Variants in SNTG1 observed in about 807,000 individuals in gnomAD.
SNTG1 encodes the protein syntrophin gamma 1.
Under a neutral mutation model 74.7 loss-of-function variants are expected in SNTG1, and 39 were observed. The ratio of observed to expected loss-of-function variants is 0.52; its 90% CI spans 0.40 to 0.68. SNTG1 has a LOEUF of 0.68. Among genes scored for constraint, SNTG1 ranks in the 30% least tolerant of loss-of-function variants. The pLI, the probability that SNTG1 is intolerant of heterozygous loss-of-function variation, is 0.00. For synonymous variants in SNTG1, 254 were observed against 217.1 expected, an observed-to-expected ratio of 1.17 and a Z score of -1.49; for missense variants, 685 against 609.5, an observed-to-expected ratio of 1.12 and a Z score of -1.30.
chr8:50,465,163 T>C (rs907528629), intron 8 of SNTG1, among the ~76,000 whole-genome samples: 1 of 152,168 alleles, frequency 6.6e-6, no homozygotes, highest in African/African-American at 2.4e-5. Flanking sequence ...CTTTATCACA[T>C]GAAACACCAC....
At chr8:50,451,960 TC>T (rs1365157579) in intron 8 of SNTG1, among the ~76,000 whole-genome samples, 2 of 152,210 alleles carry the variant, frequency 1.3e-5, no homozygotes, top group Non-Finnish European at 2.9e-5. Context: ...AATACTGTAG[TC>T]CTTTTGCTTG....
intron 2 of SNTG1, among the ~76,000 whole-genome samples, chr8:50,184,799 G>C (rs899781415): frequency 6.6e-6 from 1 of 151,972 alleles, no homozygotes; most frequent in African/African-American, 2.4e-5. Context: ...ATAAGGATTG[G>C]TATATTTTTG....
At chr8:50,660,406 AAAG>A (rs2095214806) in intron 15 of SNTG1, among the ~76,000 whole-genome samples, 17 of 12,438 alleles carry the variant, frequency 1.4e-3, no homozygotes, top group Non-Finnish European at 2.9e-3. Flanking sequence ...AAAGAGAAAG[AAAG>A]AAAAGAAAGA....
intron 18 of SNTG1, among the ~76,000 whole-genome samples, chr8:50,759,103 G>A (rs1022921780): frequency 6.6e-6 from 1 of 152,042 alleles, no homozygotes; most frequent in Non-Finnish European, 1.5e-5. Context: ...CTGCATAAAT[G>A]TCTTTTTTTG....
intron 2 of SNTG1, among the ~76,000 whole-genome samples, chr8:50,383,259 A>G (rs1187415165): frequency 6.6e-6 from 1 of 152,212 alleles, no homozygotes; most frequent in East Asian, 1.9e-4. Flanking sequence ...AGTCCTTTGT[A>G]TAATCAAAAA....
At chr8:50,486,171 T>C (rs2131847498) in intron 8 of SNTG1, among the ~76,000 whole-genome samples, 1 of 151,968 alleles carries the variant, frequency 6.6e-6, no homozygotes, top group Admixed American at 6.6e-5. Context: ...AGTAGTTTTT[T>C]CCAATTCTGT....
chr8:50,034,554 C>T (rs921988732), intron 1 of SNTG1, among the ~76,000 whole-genome samples: 9 of 152,112 alleles, frequency 5.9e-5, no homozygotes, highest in African/African-American at 1.9e-4. Context: ...GGAGTCTCAG[C>T]TTTCACTTGG....
chr8:50,603,965 T>C (rs1002550909), intron 13 of SNTG1, among the ~76,000 whole-genome samples: 1 of 152,152 alleles, frequency 6.6e-6, no homozygotes, highest in African/African-American at 2.4e-5. Context: ...CTGTGATCAC[T>C]ACCTGGCTAC....
chr8:50,304,715 G>A (rs1329031260), intron 2 of SNTG1, among the ~76,000 whole-genome samples: 1 of 152,020 alleles, frequency 6.6e-6, no homozygotes, highest in East Asian at 1.9e-4. Context: ...TTTATTGTCT[G>A]AGCAGATAGC....
chr8:50,775,763 C>A (rs1314143147), intron 18 of SNTG1, among the ~76,000 whole-genome samples: 1 of 151,612 alleles, frequency 6.6e-6, no homozygotes, highest in African/African-American at 2.4e-5. Flanking sequence ...TCAATTCTAT[C>A]AGTTTCTGCA....
intron 11 of SNTG1, among the ~76,000 whole-genome samples, chr8:50,538,495 T>G (rs1023913636): frequency 6.6e-6 from 1 of 152,180 alleles, no homozygotes; most frequent in African/African-American, 2.4e-5. Context: ...TTGACAGTTC[T>G]TTTCTTTCAG....
At chr8:50,483,814 G>A (rs1285639828) in intron 8 of SNTG1, among the ~76,000 whole-genome samples, 1 of 152,094 alleles carries the variant, frequency 6.6e-6, no homozygotes, top group Non-Finnish European at 1.5e-5. Flanking sequence ...TTCAGATCTT[G>A]ATAATTCTTT....
intron 2 of SNTG1, among the ~76,000 whole-genome samples, chr8:50,254,750 G>A (rs2086798498): frequency 6.6e-6 from 1 of 151,878 alleles, no homozygotes. Flanking sequence ...GGAGGCTGAG[G>A]CAGGAGAATC....
intron 2 of SNTG1, among the ~76,000 whole-genome samples, chr8:50,386,249 C>T (rs559833209): frequency 3.3e-5 from 5 of 152,182 alleles, no homozygotes; most frequent in Admixed American, 6.5e-5. Flanking sequence ...GCTAAAACTC[C>T]GCTGGTTACT....
intron 9 of SNTG1, among the ~76,000 whole-genome samples, chr8:50,512,525 C>T (rs1346094466): frequency 2.0e-5 from 3 of 152,148 alleles, no homozygotes; most frequent in Non-Finnish European, 4.4e-5. Context: ...CAACTTGATT[C>T]CATTCTCCCC....
chr8:50,401,884 A>T (rs2092810486), intron 3 of SNTG1, among the ~76,000 whole-genome samples: 1 of 152,174 alleles, frequency 6.6e-6, no homozygotes, highest in Non-Finnish European at 1.5e-5. Flanking sequence ...TCAATAAAGC[A>T]ATTATTTTTT....
At chr8:50,217,327 CA>C (rs1239889254) in intron 2 of SNTG1, among the ~76,000 whole-genome samples, 2 of 151,918 alleles carry the variant, frequency 1.3e-5, no homozygotes, top group African/African-American at 4.8e-5. Context: ...GAAGGGGAGT[CA>C]TTTTTTTCAA....
At chr8:49,948,198 A>G (rs1180613747) in intron 1 of SNTG1, among the ~76,000 whole-genome samples, 2 of 152,186 alleles carry the variant, frequency 1.3e-5, no homozygotes, top group Non-Finnish European at 2.9e-5. Context: ...TTTTAATCTC[A>G]TAAAACCTCT....
intron 17 of SNTG1, among the ~76,000 whole-genome samples, chr8:50,749,913 C>T (rs1312696505): frequency 1.3e-5 from 2 of 152,004 alleles, no homozygotes; most frequent in Non-Finnish European, 1.5e-5. Context: ...ATTCTGCAGT[C>T]CATGAATCAA....
Sources: gnomAD v4.1 joint callset for allele counts (sites outside exome capture counted in the v4.1 genomes callset) on GRCh38, gnomAD v4.1.1 for gene constraint, MANE v1.5 for transcripts, NCBI Gene and HGNC (gene_info 2026-07-23, HGNC 2026-07-21) for gene names.